Variants in SIAH3 observed in about 807,000 individuals in gnomAD.
SIAH3 encodes siah E3 ubiquitin protein ligase family member 3.
Under a neutral mutation model 12.6 loss-of-function variants are expected in SIAH3, and 9 were observed. The ratio of observed to expected loss-of-function variants is 0.72; its 90% CI spans 0.43 to 1.25. The LOEUF is 1.25. Ranked by LOEUF, SIAH3 falls within the 50% of genes most tolerant of loss-of-function variation. The pLI is 0.00. For synonymous variants in SIAH3, 154 were observed against 151.1 expected, an observed-to-expected ratio of 1.02 and a Z score of -0.14; for missense variants, 390 against 365.4, an observed-to-expected ratio of 1.07 and a Z score of -0.55.
At chr13:45,848,423 G>T (rs1046279027) in intron 1 of SIAH3, among the ~76,000 whole-genome samples, 1 of 152,192 alleles carries the variant, frequency 6.6e-6, no homozygotes, top group Non-Finnish European at 1.5e-5. Flanking sequence ...AGCTTCAGGG[G>T]TGTAATGGCT....
At chr13:45,818,121 A>G (rs1488301908) in intron 1 of SIAH3, among the ~76,000 whole-genome samples, 2 of 152,156 alleles carry the variant, frequency 1.3e-5, no homozygotes, top group African/African-American at 4.8e-5. Context: ...GAGGTATCCT[A>G]CATCACCTCC....
intron 1 of SIAH3, among the ~76,000 whole-genome samples, chr13:45,844,483 G>C (rs1433184597): frequency 6.6e-6 from 1 of 152,224 alleles, no homozygotes; most frequent in African/African-American, 2.4e-5. Flanking sequence ...TTAAATGAGA[G>C]TTAACCATTG....
At position 45,851,645 on chromosome 13, in the gene SIAH3, G is replaced by T; in HGVS notation, c.-16C>A. 1 of 1,614,112 alleles carries T rather than the reference G, an allele frequency of 6.2e-7. No individual in the cohort carries two copies. Among genetic ancestry groups the T allele is most frequent in the Non-Finnish European group, 8.5e-7 (1 of 1,179,984 alleles). ...AGAAAAGCATCACAACTTTTGGGGG[G>T]TTGTTGGTCCGGGAAGGCAGCGGAG... is the stretch of plus-strand genomic sequence containing the variant. On this transcript the variant is annotated 5_prime_UTR_variant, in exon 1 of 2. Coordinates refer to ENST00000400405, the MANE Select transcript of SIAH3 (RefSeq NM_198849.3).
At chr13:45,839,988 T>A (rs1199525955) in intron 1 of SIAH3, among the ~76,000 whole-genome samples, 1 of 152,196 alleles carries the variant, frequency 6.6e-6, no homozygotes, top group Non-Finnish European at 1.5e-5. Context: ...CCTGGTGCCA[T>A]GGCTGACGCC....
At chr13:45,851,429 C>T in intron 1 of SIAH3, 66 bp downstream of exon 1, 8 of 1,597,290 alleles carry the variant, frequency 5.0e-6, no homozygotes, top group Non-Finnish European at 6.9e-6. Flanking sequence ...GCCGGAGGGT[C>T]GCTGCCGCCT....
chr13:45,790,469 G>GA (rs111697272), intron 1 of SIAH3, among the ~76,000 whole-genome samples: 83 of 149,202 alleles, frequency 5.6e-4, no homozygotes, highest in Middle Eastern at 3.4e-3. Flanking sequence ...GGATGACACT[G>GA]AAAAAAAAAA....
rs532749703 is a variant in SIAH3 at position 45,801,852 on chromosome 13, G to A, written c.136-17795C>T. On this transcript the variant is annotated intron_variant, in intron 1 of 1. Transcript: ENST00000400405. ...ATGCTCCAGGCATTAGTCTAGGCAAGCAGATGAAGATATCAAGGGGCAGCA... is the reference window on the plus strand; with the variant it reads ...ATGCTCCAGGCATTAGTCTAGGCAAACAGATGAAGATATCAAGGGGCAGCA... Among the ~76,000 whole-genome samples the A allele has an allele frequency of 8.9e-4, 135 of 152,146 alleles. 2 individuals are homozygous for A. Among genetic ancestry groups the A allele is most frequent in the South Asian group, 4.6e-3 (22 of 4,824 alleles).
At chr13:45,849,052 T>G (rs1318325269) in intron 1 of SIAH3, among the ~76,000 whole-genome samples, 2 of 152,222 alleles carry the variant, frequency 1.3e-5, no homozygotes. Context: ...GACACTCCTA[T>G]GGAGTTAGTC....
intron 1 of SIAH3, among the ~76,000 whole-genome samples, chr13:45,818,502 A>G (rs1022663054): frequency 1.3e-5 from 2 of 152,230 alleles, no homozygotes; most frequent in African/African-American, 4.8e-5. Flanking sequence ...AATCATTATC[A>G]CTGGGCCAAA....
intron 1 of SIAH3, among the ~76,000 whole-genome samples, chr13:45,808,497 CA>C (rs1950605579): frequency 6.6e-6 from 1 of 152,104 alleles, no homozygotes; most frequent in Non-Finnish European, 1.5e-5. Flanking sequence ...ACTAGATAGC[CA>C]ACATAGTCTA....
intron 1 of SIAH3, among the ~76,000 whole-genome samples, chr13:45,792,322 A>G (rs9590926): frequency 6.6e-6 from 1 of 151,662 alleles, no homozygotes; most frequent in Non-Finnish European, 1.5e-5. Flanking sequence ...GGTTGCTACC[A>G]GGGAGCTGCC....
Position 45,784,013 on chromosome 13 carries a change from T to C in SIAH3, c.180A>G (p.Gln60=). 1.2e-6 allele frequency: 2 copies of C among 1,605,250 alleles called. No individual in the cohort carries two copies. Among genetic ancestry groups the C allele is most frequent in the Non-Finnish European group, 1.7e-6 (2 of 1,175,862 alleles). The change falls in exon 2 of 2, where the codon CAA becomes CAG. Residue 60 remains glutamine, a synonymous_variant. Coordinates refer to ENST00000400405, the MANE Select transcript of SIAH3 (RefSeq NM_198849.3). The part of the protein sequence containing the change: ...RRAVTQSAPE[Q]GSFHPHHLSH... ...AGAGATGGTGAGGGTGGAAGCTGCC[T>C]TGCTCTGGAGCGCTCTGAGTGACGG...
intron 1 of SIAH3, among the ~76,000 whole-genome samples, chr13:45,849,940 G>T (rs1950773623): frequency 1.3e-5 from 2 of 152,086 alleles, no homozygotes; most frequent in African/African-American, 4.8e-5. Flanking sequence ...TCTCAAAAGT[G>T]GCCATAAAAT....
chr13:45,834,792 T>C (rs1236257226), intron 1 of SIAH3, among the ~76,000 whole-genome samples: 1 of 152,180 alleles, frequency 6.6e-6, no homozygotes, highest in African/African-American at 2.4e-5. Flanking sequence ...TTCACAATCC[T>C]GACTCTACCA....
In SIAH3 at chr13:45,783,506, A is replaced by C; in HGVS notation, c.687T>G (p.Ile229Met). The C allele has an allele frequency of 6.2e-7, 1 of 1,614,156 alleles. No homozygotes were observed. Among genetic ancestry groups the C allele is most frequent in the Non-Finnish European group, 8.5e-7 (1 of 1,180,026 alleles). ...TGAGGACGAGGCAGTCCCCGTCCGT[A>C]ATCACCGAGTCCACGCACTCAAGAA... ...RSVLECVDSV[I>M]TDGDCLVLNT... is the part of the protein sequence containing the mutation. The change falls in exon 2 of 2, where the codon ATT (isoleucine) becomes ATG (methionine). Residue 229 changes from isoleucine to methionine, a missense_variant. Ile to Met is a conservative substitution (Grantham distance 10, BLOSUM62 1). Transcript: ENST00000400405.
chr13:45,785,329 C>T (rs534090644), intron 1 of SIAH3, among the ~76,000 whole-genome samples: 37 of 152,204 alleles, frequency 2.4e-4, no homozygotes, highest in Non-Finnish European at 4.6e-4. Context: ...TCTGCCCTAG[C>T]TCTCCAAATG....
chr13:45,831,412 T>A (rs1950698872), intron 1 of SIAH3, among the ~76,000 whole-genome samples: 1 of 151,996 alleles, frequency 6.6e-6, no homozygotes, highest in African/African-American at 2.4e-5. Context: ...CGCAAATTGA[T>A]ATTTGTAGAC....
intron 1 of SIAH3, among the ~76,000 whole-genome samples, chr13:45,793,672 A>T (rs1950553501): frequency 6.7e-6 from 1 of 148,994 alleles, no homozygotes; most frequent in South Asian, 2.2e-4. Context: ...ACCCTAACAC[A>T]ATTCAACCGC....
intron 1 of SIAH3, among the ~76,000 whole-genome samples, chr13:45,805,006 ACAC>A (rs1950594139): frequency 6.9e-6 from 1 of 144,242 alleles, no homozygotes; most frequent in African/African-American, 2.6e-5. Flanking sequence ...ACACACACAC[ACAC>A]AAAATACTTT....
Sources: gnomAD v4.1 joint callset for allele counts (sites outside exome capture counted in the v4.1 genomes callset) on GRCh38, gnomAD v4.1.1 for gene constraint, MANE v1.5 for transcripts, NCBI Gene and HGNC (gene_info 2026-07-23, HGNC 2026-07-21) for gene names.